The following FILIP1L variants were observed in gnomAD, a reference collection of about 807,000 sequenced individuals.
The protein encoded by FILIP1L is filamin A-interacting protein 1-like.
Under a neutral mutation model 96.6 loss-of-function variants are expected in FILIP1L, and 55 were observed. The ratio of observed to expected loss-of-function variants is 0.57; its 90% CI spans 0.46 to 0.71. The LOEUF (loss-of-function observed/expected upper bound fraction) is 0.71, where lower values mean the gene tolerates loss of function less well. FILIP1L is among the 30% of genes least tolerant of loss of function. The probability of loss-of-function intolerance (pLI) is 0.00; values close to 1 mark genes in which losing one functional copy is unlikely to be tolerated. For synonymous variants in FILIP1L, 467 were observed against 473.9 expected (o/e 0.99, Z 0.19); for missense variants, 1,304 against 1,321.2 (o/e 0.99, Z 0.20).
chr3:99,848,355 G>A lies in FILIP1L; in HGVS notation c.3321C>T (p.Val1107=), dbSNP rs556347627. ...NGALNKTTNK[V]TSSITITPTA... ...TTGGTGTGATAGTAATACTGCTGGTGACTTTATTGGTTGTTTTGTTTAGTG... is the reference window on the plus strand; with the variant it reads ...TTGGTGTGATAGTAATACTGCTGGTAACTTTATTGGTTGTTTTGTTTAGTG... The change falls in exon 5 of 6, where the codon GTC becomes GTT. Residue 1107 remains valine, a synonymous_variant. Transcript: ENST00000477258. 7.4e-6 allele frequency: 12 copies of A among 1,614,162 alleles called. No individual in the cohort carries two copies. In the African/African-American group the frequency reaches 1.5e-4, roughly 20 times the overall value.
chr3:100,015,157 T>G (rs2130370), intron 1 of FILIP1L, among the ~76,000 whole-genome samples: 1 of 151,884 alleles, frequency 6.6e-6, no homozygotes, highest in African/African-American at 2.4e-5. Flanking sequence ...GCTGTCCTTT[T>G]CCTATTTTGC....
chr3:99,869,943 C>T (rs1425492478), intron 4 of FILIP1L, among the ~76,000 whole-genome samples: 1 of 152,218 alleles, frequency 6.6e-6, no homozygotes, highest in Non-Finnish European at 1.5e-5. Context: ...TGATTTGGAG[C>T]TCTCACAGGC....
chr3:99,998,217 T>C (rs1052036438), intron 1 of FILIP1L, among the ~76,000 whole-genome samples: 2 of 152,224 alleles, frequency 1.3e-5, no homozygotes, highest in Non-Finnish European at 2.9e-5. Context: ...AACCTAATAC[T>C]TAGTTCTATA....
intron 3 of FILIP1L, among the ~76,000 whole-genome samples, chr3:99,927,036 G>A (rs934199207): frequency 1.1e-4 from 16 of 152,158 alleles, no homozygotes; most frequent in African/African-American, 3.9e-4. Context: ...TGCCACCTTG[G>A]CCCCATCTTC....
chr3:100,092,098 C>G (rs975861729), intron 1 of FILIP1L, among the ~76,000 whole-genome samples: 1 of 152,144 alleles, frequency 6.6e-6, no homozygotes, highest in African/African-American at 2.4e-5. Flanking sequence ...TAAAAATGTA[C>G]TCTGTAAAGA....
At chr3:99,874,338 G>A (rs1416456004) in intron 4 of FILIP1L, 2 of 152,130 alleles carry the variant, frequency 1.3e-5, no homozygotes, top group East Asian at 3.8e-4. Flanking sequence ...GTTAGATTCA[G>A]AAGAGCAGAA....
chr3:99,910,576 TG>T lies in FILIP1L; in HGVS notation c.605+13653del, dbSNP rs1274970505. On this transcript the variant is annotated intron_variant, in intron 4 of 5. Transcript: ENST00000477258. ...TACCACTTTCCAAGGAAACAATTTT[TG>T]TAGGTAACCTGGGGAGTATTATGTT... Among the ~76,000 whole-genome samples the T allele has an allele frequency of 1.5e-5, 2 of 136,816 alleles. 1 individual carries two copies. Among genetic ancestry groups the T allele is most frequent in the Admixed American group, 1.6e-4 (2 of 12,864 alleles). The allele number at this position is 136,816 out of a possible 152,430, so 89.8% of individuals were successfully genotyped here.
intron 1 of FILIP1L, among the ~76,000 whole-genome samples, chr3:99,991,080 A>G (rs931225510): frequency 6.6e-6 from 1 of 152,214 alleles, no homozygotes; most frequent in Non-Finnish European, 1.5e-5. Flanking sequence ...ACTGGGGGTC[A>G]GTCCTGACAT....
chr3:100,057,171 G>A (rs943331653), intron 1 of FILIP1L, among the ~76,000 whole-genome samples: 1 of 152,154 alleles, frequency 6.6e-6, no homozygotes, highest in African/African-American at 2.4e-5. Context: ...TATAATCTTT[G>A]CCTGCCACGT....
At chr3:99,845,742 T>C (rs760431696) in intron 5 of FILIP1L, among the ~76,000 whole-genome samples, 1 of 152,348 alleles carries the variant, frequency 6.6e-6, no homozygotes, top group East Asian at 1.9e-4. Flanking sequence ...GCAGAAATTA[T>C]GCTGCCTTTA....
At chr3:99,925,900 C>T (rs546602345) in intron 3 of FILIP1L, 4 of 985,260 alleles carry the variant, frequency 4.1e-6, no homozygotes, top group East Asian at 2.3e-4. Context: ...TTTTGCCCAG[C>T]ACGGGGTAAG....
rs1187624026 is a variant in FILIP1L at position 99,850,094 on chromosome 3, C to G, written c.1582G>C (p.Glu528Gln). 1.9e-6 allele frequency: 3 copies of G among 1,612,930 alleles called. No homozygotes were observed. The highest frequency in any genetic ancestry group is 2.2e-5 in the South Asian group (2 of 90,682). ...GTAACTGTTGTTACTTTATTTTGCT[C>G]CACTTGAAGCTGAGAAGAAGCAGCT... ...LQAASSQLQV[E>Q]QNKVTTVTEK... Residue 528 changes from glutamate to glutamine, a missense_variant, in exon 5 of 6, where the codon GAG becomes CAG. Physicochemically the swap from Glu to Gln is conservative, Grantham distance 29. Transcript: ENST00000477258.
At chr3:100,060,329 T>C (rs966026250) in intron 1 of FILIP1L, among the ~76,000 whole-genome samples, 1 of 152,120 alleles carries the variant, frequency 6.6e-6, no homozygotes, top group Admixed American at 6.5e-5. Context: ...TGTTTCCCAC[T>C]CCACCTCCTC....
chr3:99,997,600 G>A (rs891526502), intron 1 of FILIP1L, among the ~76,000 whole-genome samples: 12 of 152,144 alleles, frequency 7.9e-5, no homozygotes, highest in African/African-American at 2.4e-4. Context: ...GGGCAGGGTG[G>A]GAAGGATAGC....
At chr3:99,931,946 C>T (rs1707494752) in intron 1 of FILIP1L, among the ~76,000 whole-genome samples, 1 of 151,980 alleles carries the variant, frequency 6.6e-6, no homozygotes, top group Non-Finnish European at 1.5e-5. Context: ...ACTCTTTGTC[C>T]CTACAAATCA....
At chr3:99,959,910 A>G (rs1019337525) in intron 1 of FILIP1L, among the ~76,000 whole-genome samples, 7 of 152,158 alleles carry the variant, frequency 4.6e-5, no homozygotes, top group African/African-American at 1.4e-4. Context: ...GACCACTCCC[A>G]TTGTACAAAG....
chr3:99,879,113 G>T (rs1400226106), intron 4 of FILIP1L, among the ~76,000 whole-genome samples: 1 of 152,092 alleles, frequency 6.6e-6, no homozygotes, highest in African/African-American at 2.4e-5. Flanking sequence ...AGACACCAAG[G>T]TCCTTTCTAC....
chr3:99,844,257 C>T (rs998016919), intron 5 of FILIP1L, among the ~76,000 whole-genome samples: 4 of 151,860 alleles, frequency 2.6e-5, no homozygotes, highest in African/African-American at 9.7e-5. Flanking sequence ...GGGCCCTACG[C>T]CCCCAGAGGT....
At chr3:100,078,910 AT>A (rs1004621633) in intron 1 of FILIP1L, among the ~76,000 whole-genome samples, 16 of 152,146 alleles carry the variant, frequency 1.1e-4, no homozygotes, top group African/African-American at 3.9e-4. Context: ...GGAAAAAAAG[AT>A]TGCAAAAAAT....
Sources: allele counts gnomAD v4.1 joint callset (sites outside exome capture counted in the v4.1 genomes callset), GRCh38; gene constraint gnomAD v4.1.1; transcripts MANE v1.5; gene names NCBI Gene and HGNC (gene_info 2026-07-23, HGNC 2026-07-21).